FANCB: variants seen among roughly 807,000 people sequenced by gnomAD.
The protein encoded by FANCB is FA complementation group B.
Under a neutral mutation model 38.9 loss-of-function variants are expected in FANCB, and 5 were observed. That is an observed-to-expected ratio of 0.13 (90% CI 0.07 to 0.27). FANCB has a LOEUF of 0.27. FANCB is among the 10% of genes least tolerant of loss of function. FANCB has a pLI of 1.00. For synonymous variants in FANCB, 236 were observed against 215.4 expected (o/e 1.10, Z -0.84); for missense variants, 573 against 602.7 (o/e 0.95, Z 0.52).
intron 9 of FANCB, 134 bp from the exon 10 acceptor site, chrX:14,844,115 A>G: frequency 3.9e-6 from 2 of 511,334 alleles, no homozygotes; most frequent in Admixed American, 7.6e-5. Context: ...TATGTACGTG[A>G]GCATTGATAA....
At chrX:14,793,372 G>A in the FANCB span, among the ~76,000 whole-genome samples, 1 of 111,901 alleles carries the variant, frequency 8.9e-6, no homozygotes, top group Admixed American at 9.5e-5. Context: ...TAGTAGATTG[G>A]CAGCTGCTTA....
At chrX:14,788,285 A>G in the FANCB span, among the ~76,000 whole-genome samples, 1 of 111,370 alleles carries the variant, frequency 9.0e-6, no homozygotes, top group Non-Finnish European at 1.9e-5. Flanking sequence ...ACCCACTACT[A>G]CATAAGAGGT....
the FANCB span, among the ~76,000 whole-genome samples, chrX:14,758,945 A>G: frequency 2.3e-4 from 26 of 111,962 alleles, no homozygotes; most frequent in South Asian, 8.5e-3. Context: ...CACCAGAGAA[A>G]TGTGAAGTCC....
At chrX:14,752,407 T>C in the FANCB span, among the ~76,000 whole-genome samples, 1 of 112,264 alleles carries the variant, frequency 8.9e-6, no homozygotes, top group Non-Finnish European at 1.9e-5. Flanking sequence ...TTATAAGTGA[T>C]TGTATAAATG....
chrX:14,733,088 A>C, the FANCB span, among the ~76,000 whole-genome samples: 2 of 112,173 alleles, frequency 1.8e-5, no homozygotes, highest in Non-Finnish European at 3.8e-5. Flanking sequence ...AGTTTTCTGC[A>C]AGTGGCTAGC....
the FANCB span, among the ~76,000 whole-genome samples, chrX:14,691,425 G>C: frequency 3.9e-4 from 43 of 110,914 alleles, no homozygotes; most frequent in African/African-American, 1.3e-3. Flanking sequence ...ATTGCAACAT[G>C]ATAAATCCAG....
At chrX:14,853,207 T>C in intron 5 of FANCB, 40 bp from the exon 6 acceptor site, 1 of 1,155,502 alleles carries the variant, frequency 8.7e-7, no homozygotes, top group Non-Finnish European at 1.2e-6. Flanking sequence ...GAAACATGAT[T>C]TCAAATGAAA....
the FANCB span, among the ~76,000 whole-genome samples, chrX:14,709,463 C>A: frequency 8.9e-6 from 1 of 111,948 alleles, no homozygotes; most frequent in East Asian, 2.8e-4. Flanking sequence ...AATCTGGTAA[C>A]CGTAATAATG....
the FANCB span, among the ~76,000 whole-genome samples, chrX:14,791,503 G>T: frequency 8.9e-6 from 1 of 111,882 alleles, no homozygotes; most frequent in African/African-American, 3.3e-5. Context: ...AAGTCACTCC[G>T]TTTGTGGTAC....
the FANCB span, among the ~76,000 whole-genome samples, chrX:14,696,254 T>G: frequency 9.5e-6 from 1 of 104,997 alleles, no homozygotes; most frequent in Non-Finnish European, 2.0e-5. Flanking sequence ...GAAGTGAAGT[T>G]AAGGGAGGTT....
At chrX:14,803,755 T>C in the FANCB span, among the ~76,000 whole-genome samples, 1 of 110,606 alleles carries the variant, frequency 9.0e-6, no homozygotes, top group African/African-American at 3.3e-5. Context: ...TCAGAAACGT[T>C]AAAATGAGGA....
the FANCB span, among the ~76,000 whole-genome samples, chrX:14,727,570 T>TA: frequency 8.9e-6 from 1 of 112,253 alleles, no homozygotes; most frequent in Non-Finnish European, 1.9e-5. Flanking sequence ...AAGCACTGAG[T>TA]AAGTCTTCAG....
the FANCB span, chrX:14,730,714 C>T: frequency 1.0e-4 from 39 of 383,923 alleles, no homozygotes; most frequent in African/African-American, 9.2e-4. Context: ...CATAATAATT[C>T]CCTTCCATAA....
chrX:14,758,159 A>G, the FANCB span, among the ~76,000 whole-genome samples: 6 of 110,776 alleles, frequency 5.4e-5, no homozygotes, highest in African/African-American at 2.0e-4. Context: ...GCCCCCGGGA[A>G]CATAACTCCA....
chrX:14,819,891 G>A, the FANCB span, among the ~76,000 whole-genome samples: 2 of 111,402 alleles, frequency 1.8e-5, no homozygotes, highest in African/African-American at 3.3e-5. Flanking sequence ...GCTTAGTATT[G>A]CTCCACCCCA....
the FANCB span, among the ~76,000 whole-genome samples, chrX:14,726,475 A>G: frequency 1.8e-5 from 2 of 112,517 alleles, no homozygotes; most frequent in Non-Finnish European, 3.8e-5. Context: ...GTGGCAGAGA[A>G]TTTTAAAGAA....
chrX:14,860,637 T>G (rs1350844783), intron 3 of FANCB, among the ~76,000 whole-genome samples: 1 of 112,386 alleles, frequency 8.9e-6, no homozygotes, highest in Non-Finnish European at 1.9e-5. Context: ...ATATTGTCAT[T>G]TTAATTCAAT....
the FANCB span, among the ~76,000 whole-genome samples, chrX:14,806,977 A>G: frequency 8.9e-6 from 1 of 111,795 alleles, no homozygotes; most frequent in Non-Finnish European, 1.9e-5. Flanking sequence ...AAATAATGAC[A>G]TGGTTTGATT....
At chrX:14,771,116 G>C in the FANCB span, among the ~76,000 whole-genome samples, 1 of 111,054 alleles carries the variant, frequency 9.0e-6, no homozygotes, top group South Asian at 3.8e-4. Flanking sequence ...GTTTCTTGGG[G>C]TTGATATTCT....
Sources: allele counts gnomAD v4.1 joint callset (sites outside exome capture counted in the v4.1 genomes callset), GRCh38; gene constraint gnomAD v4.1.1; transcripts MANE v1.5; gene names NCBI Gene and HGNC (gene_info 2026-07-23, HGNC 2026-07-21).